The following RDX variants were observed in gnomAD, a reference collection of about 807,000 sequenced individuals.
RDX encodes deafness, autosomal recessive 24.
In RDX, 32 loss-of-function variants were observed where a neutral mutation model predicts 83.7. That is an observed-to-expected ratio of 0.38 (90% CI 0.29 to 0.51). The LOEUF is 0.51. Among genes scored for constraint, RDX ranks in the 20% least tolerant of loss-of-function variants. The pLI, the probability that RDX is intolerant of heterozygous loss-of-function variation, is 0.87. For missense variants in RDX, 600 were observed against 689.9 expected (o/e 0.87, Z 1.46); for synonymous variants, 229 against 222.7 (o/e 1.03, Z -0.25).
At chr11:110,195,415 A>C (rs1413836511) in intron 15 of RDX, 1 of 152,180 alleles carries the variant, frequency 6.6e-6, no homozygotes, top group Non-Finnish European at 1.5e-5. Flanking sequence ...TCTGCCACTG[A>C]ACTCTCCTCA....
At chr11:110,179,696 C>A (rs905297009) in intron 15 of RDX, among the ~76,000 whole-genome samples, 1 of 151,980 alleles carries the variant, frequency 6.6e-6, no homozygotes, top group African/African-American at 2.4e-5. Flanking sequence ...TCACTTGAAC[C>A]CAGAGGCAGA....
At chr11:110,258,512 C>A (rs1162953973) in intron 5 of RDX, among the ~76,000 whole-genome samples, 1 of 152,044 alleles carries the variant, frequency 6.6e-6, no homozygotes, top group Non-Finnish European at 1.5e-5. Context: ...GCATAATAAT[C>A]AGTAATTATC....
chr11:110,285,401 G>A (rs1235994377), intron 1 of RDX, among the ~76,000 whole-genome samples: 1 of 151,304 alleles, frequency 6.6e-6, no homozygotes, highest in African/African-American at 2.4e-5. Flanking sequence ...AAATAAAAGA[G>A]AATATTGTTT....
intron 5 of RDX, among the ~76,000 whole-genome samples, chr11:110,261,940 T>C (rs1859824892): frequency 6.6e-6 from 1 of 152,216 alleles, no homozygotes; most frequent in South Asian, 2.1e-4. Flanking sequence ...CTTCATCTGC[T>C]GCTCAACCAA....
Position 110,263,942 on chromosome 11 carries a change from A to G in RDX, c.467+18T>C. The G allele has an allele frequency of 6.2e-7, 1 of 1,610,068 alleles. No individual in the cohort carries two copies. The highest frequency in any genetic ancestry group is 8.5e-7 in the Non-Finnish European group (1 of 1,176,638). ...TACAATTTTCAGACAATATAATGCA[A>G]ACGCATGTTTCACTTACCGCTGGGG... is the stretch of plus-strand genomic sequence containing the variant. On this transcript the variant is annotated intron_variant, in intron 5 of 13. Coordinates refer to ENST00000645495, the MANE Select transcript of RDX (RefSeq NM_002906.4).
intron 7 of RDX, among the ~76,000 whole-genome samples, chr11:110,256,924 A>T (rs1166449053): frequency 6.6e-6 from 1 of 152,156 alleles, no homozygotes; most frequent in African/African-American, 2.4e-5. Flanking sequence ...TAAAAATTAA[A>T]ATTCTGGAGC....
intron 2 of RDX, among the ~76,000 whole-genome samples, chr11:110,277,938 T>TGTA (rs1286585480): frequency 6.6e-6 from 1 of 152,220 alleles, no homozygotes; most frequent in African/African-American, 2.4e-5. Context: ...AGCTTTTGCA[T>TGTA]GTAGGTCTAT....
chr11:110,214,281 C>G (rs1863947683), intron 14 of RDX, among the ~76,000 whole-genome samples: 2 of 133,774 alleles, frequency 1.5e-5, no homozygotes, highest in African/African-American at 2.8e-5. Context: ...CAAATCAAAA[C>G]CACAATGAGA....
rs60766252 is a variant in RDX, at chr11:110,221,601, AACAC to A, written c.1748+10268_1748+10271del. On this transcript the variant is annotated intron_variant, in intron 14 of 15. Transcript: ENST00000528498. Reference sequence around the variant, plus strand: ...CAACAGAGCAAGACCCTGTCTCCAAAACACACACACACACACACACACACACACA... The same window carrying A: ...CAACAGAGCAAGACCCTGTCTCCAAAACACACACACACACACACACACACA... 8.2e-3 allele frequency among the ~76,000 whole-genome samples: 1,091 copies of A among 133,544 alleles called. 8 individuals are homozygous for A. Among genetic ancestry groups the A allele is most frequent in the African/African-American group, 0.013 (462 of 34,810 alleles). The allele number at this position is 133,544 out of a possible 152,430, so 87.6% of individuals were successfully genotyped here.
At chr11:110,215,911 G>A (rs1028254575) in intron 14 of RDX, among the ~76,000 whole-genome samples, 1 of 152,166 alleles carries the variant, frequency 6.6e-6, no homozygotes, top group African/African-American at 2.4e-5. Context: ...AGGGAATAGT[G>A]CCCCTTGCTC....
intron 2 of RDX, chr11:110,273,200 A>G: frequency 2.6e-6 from 1 of 385,150 alleles, no homozygotes. Context: ...ACAACAGAGC[A>G]AGACCCTGCC....
intron 10 of RDX, chr11:110,237,876 A>G: frequency 5.1e-6 from 3 of 589,846 alleles, no homozygotes; most frequent in Non-Finnish European, 9.5e-6. Context: ...GGCTCGAGCA[A>G]TCCTCCCGCC....
At chr11:110,261,363 T>A (rs1003818918) in intron 5 of RDX, among the ~76,000 whole-genome samples, 1 of 152,234 alleles carries the variant, frequency 6.6e-6, no homozygotes, top group South Asian at 2.1e-4. Flanking sequence ...AGCAATACTA[T>A]CTGGTGGAGC....
At chr11:110,182,971 G>A (rs1862917021) in intron 15 of RDX, among the ~76,000 whole-genome samples, 1 of 152,214 alleles carries the variant, frequency 6.6e-6, no homozygotes, top group Admixed American at 6.5e-5. Flanking sequence ...TTTGCCCAAA[G>A]TCATGCAGCA....
At chr11:110,264,467 A>G (rs1232541507) in intron 4 of RDX, among the ~76,000 whole-genome samples, 1 of 152,186 alleles carries the variant, frequency 6.6e-6, no homozygotes, top group Non-Finnish European at 1.5e-5. Flanking sequence ...ACTTTTTTTC[A>G]TATTCTTGAG....
chr11:110,266,409 A>G (rs549182807), intron 3 of RDX, among the ~76,000 whole-genome samples: 5 of 152,312 alleles, frequency 3.3e-5, no homozygotes, highest in African/African-American at 1.2e-4. Flanking sequence ...ACCCACACCT[A>G]ACAAAAGCAT....
intron 15 of RDX, among the ~76,000 whole-genome samples, chr11:110,189,348 T>C (rs1483167411): frequency 6.7e-6 from 1 of 149,428 alleles, no homozygotes; most frequent in Non-Finnish European, 1.5e-5. Context: ...GCACCCAACA[T>C]TGGAGCATCC....
intron 5 of RDX, among the ~76,000 whole-genome samples, chr11:110,261,879 T>C (rs1565321190): frequency 1.3e-5 from 2 of 152,224 alleles, no homozygotes; most frequent in African/African-American, 2.4e-5. Flanking sequence ...GTTATTGTAG[T>C]GTTTAAGAGA....
At chr11:110,284,550 TC>T (rs1860900228) in intron 1 of RDX, among the ~76,000 whole-genome samples, 1 of 151,246 alleles carries the variant, frequency 6.6e-6, no homozygotes, top group Non-Finnish European at 1.5e-5. Context: ...TGAGATGGTC[TC>T]GCTCTGTTGC....
Sources: allele counts gnomAD v4.1 joint callset (sites outside exome capture counted in the v4.1 genomes callset), GRCh38; gene constraint gnomAD v4.1.1; transcripts MANE v1.5; gene names NCBI Gene and HGNC (gene_info 2026-07-23, HGNC 2026-07-21).